PLS1: variants seen among roughly 807,000 people sequenced by gnomAD.
PLS1 encodes plastin-1.
Under a neutral mutation model 73.7 loss-of-function variants are expected in PLS1, and 32 were observed. That is an observed-to-expected ratio of 0.43 (90% CI 0.33 to 0.58). PLS1 has a LOEUF of 0.58. PLS1 is among the 20% of genes least tolerant of loss of function. The pLI, the probability that PLS1 is intolerant of heterozygous loss-of-function variation, is 0.04. For missense variants in PLS1, 633 were observed against 740.5 expected (o/e 0.85, Z 1.68); for synonymous variants, 217 against 261.3 (o/e 0.83, Z 1.63).
In PLS1 at chr3:142,601,084, C is replaced by T. The variant is rs750624572; in HGVS notation, c.-37+4575C>T. On this transcript the variant is annotated intron_variant, in intron 1 of 15. Coordinates refer to ENST00000457734, the MANE Select transcript of PLS1 (RefSeq NM_001145319.2). ...GACTACAGGCACCCGCCACCACGCC[C>T]GGCTAATTTTTTTTTTATTTTTAGT... Among the ~76,000 whole-genome samples, 284 of 147,466 alleles carry T rather than the reference C, an allele frequency of 1.9e-3. 6 individuals carry two copies. Among genetic ancestry groups the T allele is most frequent in the Non-Finnish European group, 3.3e-3 (221 of 66,674 alleles).
chr3:142,643,670 T>C (rs558540009), intron 1 of PLS1, among the ~76,000 whole-genome samples: 1 of 152,312 alleles, frequency 6.6e-6, no homozygotes, highest in Non-Finnish European at 1.5e-5. Context: ...ATTGGTCTTC[T>C]AATACTGAGT....
chr3:142,646,568 G>A (rs1185213972), intron 1 of PLS1, among the ~76,000 whole-genome samples: 1 of 152,262 alleles, frequency 6.6e-6, no homozygotes, highest in African/African-American at 2.4e-5. Context: ...GCATGGGCAT[G>A]TTGCTGAAGC....
chr3:142,713,039 G>A lies in PLS1; in HGVS notation c.*1032G>A, dbSNP rs1297559056. 6.6e-6 allele frequency: 1 copy of A among 152,582 alleles called. No individual in the cohort carries two copies. Among genetic ancestry groups the A allele is most frequent in the East Asian group, 1.9e-4 (1 of 5,190 alleles). The allele number at this position is 152,582 out of a possible 1,614,324, so 9.5% of individuals were successfully genotyped here. ...AGAAGCCCTATATAATTTAGAATAT[G>A]CCCACTGAATATCTTTAATAGAAAG... On this transcript the variant is annotated 3_prime_UTR_variant, in exon 16 of 16. Coordinates refer to ENST00000457734, the MANE Select transcript of PLS1 (RefSeq NM_001145319.2).
Position 142,697,977 on chromosome 3 carries a change from C to A in PLS1, c.1281C>A (p.Ile427=). 6.2e-7 allele frequency: 1 copy of A among 1,612,008 alleles called. No homozygotes were observed. Among genetic ancestry groups the A allele is most frequent in the Non-Finnish European group, 8.5e-7 (1 of 1,178,208 alleles). Residue 427 remains isoleucine, a synonymous_variant, in exon 12 of 16, where the codon ATC becomes ATA. Transcript: ENST00000457734. ...GTGACCTTGCAGATGCTTTAGTGAT[C>A]TTTCAGCTCTATGAGATGATCCGAG... ...LYSDLADALV[I]FQLYEMIRVP...
intron 9 of PLS1, among the ~76,000 whole-genome samples, chr3:142,688,246 C>A (rs1343611994): frequency 1.3e-5 from 2 of 152,162 alleles, no homozygotes; most frequent in Non-Finnish European, 2.9e-5. Flanking sequence ...CCACGTCCAG[C>A]CACATATTGT....
At chr3:142,607,433 C>A (rs141675300) in intron 1 of PLS1, among the ~76,000 whole-genome samples, 1 of 152,094 alleles carries the variant, frequency 6.6e-6, no homozygotes, top group Non-Finnish European at 1.5e-5. Context: ...TGTGCCACCA[C>A]GCCCAGCTAA....
intron 2 of PLS1, among the ~76,000 whole-genome samples, chr3:142,668,912 T>A (rs973398457): frequency 6.6e-6 from 1 of 152,108 alleles, no homozygotes; most frequent in African/African-American, 2.4e-5. Flanking sequence ...CCCCCCATGC[T>A]TATTTCTTTG....
chr3:142,608,260 A>C (rs1347863353), intron 1 of PLS1, among the ~76,000 whole-genome samples: 2 of 152,240 alleles, frequency 1.3e-5, no homozygotes, highest in East Asian at 3.8e-4. Context: ...GAAGATGATC[A>C]AATTCGGTAG....
At chr3:142,672,443 C>T (rs866287164) in intron 4 of PLS1, among the ~76,000 whole-genome samples, 7 of 150,276 alleles carry the variant, frequency 4.7e-5, no homozygotes, top group Admixed American at 2.7e-4. Flanking sequence ...CCCAGGTTCA[C>T]GTCATTCTCT....
At chr3:142,638,155 C>A (rs1433987415) in intron 1 of PLS1, among the ~76,000 whole-genome samples, 1 of 152,166 alleles carries the variant, frequency 6.6e-6, no homozygotes, top group African/African-American at 2.4e-5. Context: ...CATGCAATCT[C>A]CTGAAAGAGG....
At chr3:142,636,392 C>CA (rs983155136) in intron 1 of PLS1, among the ~76,000 whole-genome samples, 4 of 151,198 alleles carry the variant, frequency 2.6e-5, no homozygotes, top group South Asian at 2.1e-4. Flanking sequence ...TACCCAGATG[C>CA]AAAAAAAAGA....
chr3:142,677,385 C>G (rs1354414810), intron 5 of PLS1, among the ~76,000 whole-genome samples: 1 of 152,262 alleles, frequency 6.6e-6, no homozygotes, highest in East Asian at 1.9e-4. Context: ...GTGGCTCATG[C>G]CTGTAATCTC....
chr3:142,669,065 G>A (rs1298437473), intron 2 of PLS1, among the ~76,000 whole-genome samples: 1 of 152,046 alleles, frequency 6.6e-6, no homozygotes, highest in Non-Finnish European at 1.5e-5. Flanking sequence ...CGTTTTTTAA[G>A]AGATGGGGTC....
chr3:142,645,674 G>T (rs368514797), intron 1 of PLS1: 1 of 152,250 alleles, frequency 6.6e-6, no homozygotes, highest in Admixed American at 6.5e-5. Flanking sequence ...CATTCATTCT[G>T]AATGAGATAT....
At chr3:142,661,117 A>G (rs1482952621) in intron 1 of PLS1, among the ~76,000 whole-genome samples, 2 of 152,194 alleles carry the variant, frequency 1.3e-5, no homozygotes, top group East Asian at 3.8e-4. Flanking sequence ...CCACACCACA[A>G]GTAGCATTTT....
Position 142,676,214 on chromosome 3 carries a change from A to G in PLS1, c.422A>G (p.Asp141Gly). The G allele has an allele frequency of 6.2e-7, 1 of 1,613,148 alleles. No individual in the cohort carries two copies. Among genetic ancestry groups the G allele is most frequent in the Non-Finnish European group, 8.5e-7 (1 of 1,179,118 alleles). The part of the protein sequence containing the change: ...WINKALENDP[D>G]CKHLIPMNPN... ...AACAAAGCCCTGGAGAATGACCCTG[A>G]CTGTAAGCATCTTATACCCATGAAT... The change falls in exon 5 of 16, where the codon GAC becomes GGC. Residue 141 changes from aspartate to glycine, a missense_variant. Transcript: ENST00000457734.
chr3:142,702,694 C>T (rs2038355476), intron 12 of PLS1, among the ~76,000 whole-genome samples: 1 of 152,052 alleles, frequency 6.6e-6, no homozygotes, highest in Non-Finnish European at 1.5e-5. Context: ...GTAGATGATG[C>T]AGGTAAAAAA....
At position 142,655,232 on chromosome 3, in the gene PLS1, C is replaced by T. The variant is rs138748812; in HGVS notation, c.-36-8970C>T. On this transcript the variant is annotated intron_variant, in intron 1 of 15. Coordinates refer to ENST00000457734, the MANE Select transcript of PLS1 (RefSeq NM_001145319.2). ...ATGAAGTCTTATGCCAATGGGAAGGCGTTAAGGATATGGGGGAATCGGCCT... is the reference window on the plus strand; with the variant it reads ...ATGAAGTCTTATGCCAATGGGAAGGTGTTAAGGATATGGGGGAATCGGCCT... 3.9e-5 allele frequency among the ~76,000 whole-genome samples: 6 copies of T among 152,128 alleles called. No homozygotes were observed. The East Asian group carries it at 9.7e-4, about 25-fold the overall frequency.
intron 1 of PLS1, among the ~76,000 whole-genome samples, chr3:142,660,825 T>G (rs568811131): frequency 6.6e-6 from 1 of 152,222 alleles, no homozygotes; most frequent in Non-Finnish European, 1.5e-5. Flanking sequence ...TTTGATAAGT[T>G]TACATGGTGC....
Sources: gnomAD v4.1 joint callset for allele counts (sites outside exome capture counted in the v4.1 genomes callset) on GRCh38, gnomAD v4.1.1 for gene constraint, MANE v1.5 for transcripts, NCBI Gene and HGNC (gene_info 2026-07-23, HGNC 2026-07-21) for gene names.